ACMSD: variants seen among roughly 807,000 people sequenced by gnomAD.
ACMSD encodes the protein 2-amino-3-carboxymuconate-6-semialdehyde decarboxylase.
A neutral mutation model predicts 45.9 loss-of-function variants in ACMSD; 37 were observed. The ratio of observed to expected loss-of-function variants is 0.81; its 90% CI spans 0.62 to 1.06. ACMSD has a LOEUF of 1.06. Ranked by LOEUF, ACMSD falls within the 50% of genes least tolerant of loss-of-function variation. ACMSD has a pLI of 0.00. For synonymous variants in ACMSD, 138 were observed against 148.8 expected (o/e 0.93, Z 0.53); for missense variants, 434 against 420.9 (o/e 1.03, Z -0.27).
At chr2:134,840,949 T>C (rs767757793) in intron 1 of ACMSD, among the ~76,000 whole-genome samples, 2 of 152,184 alleles carry the variant, frequency 1.3e-5, no homozygotes, top group Non-Finnish European at 2.9e-5. Flanking sequence ...AAGTCCATCG[T>C]GTCATTCTTA....
At chr2:134,846,886 G>C (rs975422842) in intron 2 of ACMSD, among the ~76,000 whole-genome samples, 1 of 152,236 alleles carries the variant, frequency 6.6e-6, no homozygotes, top group Non-Finnish European at 1.5e-5. Context: ...AAGCAGCGAT[G>C]TGATAGAGAG....
intron 8 of ACMSD, among the ~76,000 whole-genome samples, chr2:134,889,545 T>C (rs1333688132): frequency 6.6e-6 from 1 of 152,032 alleles, no homozygotes; most frequent in Admixed American, 6.6e-5. Flanking sequence ...AAAGATAAAA[T>C]AAAATAACAG....
rs1689307044 is a variant in ACMSD at position 134,885,316 on chromosome 2, TA to T, written c.849+12676del. On this transcript the variant is annotated intron_variant, in intron 8 of 9. Transcript: ENST00000356140. ...TTATATATATATTTAAATATATATA[TA>T]TAAATATATATGTAAATATATATTT... is the stretch of plus-strand genomic sequence containing the variant. Among the ~76,000 whole-genome samples, 3 of 103,082 alleles carry T rather than the reference TA, an allele frequency of 2.9e-5. No homozygotes were observed. The Admixed American group carries it at 4.1e-4, about 14-fold the overall frequency. 67.6% of individuals were successfully genotyped at this position (103,082 alleles called of 152,430 possible). A position where few individuals can be genotyped will look rare whatever the true frequency, so the allele number is the denominator to read the frequency against.
intron 5 of ACMSD, 61 bp from the exon 6 acceptor site, chr2:134,867,518 A>C (rs1339936564): frequency 7.6e-7 from 1 of 1,318,540 alleles, no homozygotes; most frequent in Admixed American, 1.7e-5. Context: ...CCAAAACAGT[A>C]CCTGGTATCT....
chr2:134,888,273 C>T (rs1689571098), intron 8 of ACMSD, among the ~76,000 whole-genome samples: 1 of 152,146 alleles, frequency 6.6e-6, no homozygotes, highest in South Asian at 2.1e-4. Flanking sequence ...TTTAAAGGTG[C>T]TCAACATCAT....
At chr2:134,840,184 A>AAAAAAAAAAAAAAAAAAAAAAAAAAAAAT (rs1686729956) in intron 1 of ACMSD, among the ~76,000 whole-genome samples, 1 of 143,720 alleles carries the variant, frequency 7.0e-6, no homozygotes, top group African/African-American at 2.7e-5. Flanking sequence ...AAAAAAAAAA[A>AAAAAAAAAAAAAAAAAAAAAAAAAAAAAT]AAAAAAAAAC....
intron 2 of ACMSD, among the ~76,000 whole-genome samples, chr2:134,850,105 C>T (rs377491749): frequency 4.1e-5 from 6 of 146,022 alleles, no homozygotes; most frequent in African/African-American, 1.0e-4. Flanking sequence ...ATTCATATGT[C>T]GAAGTACTAA....
intron 8 of ACMSD, among the ~76,000 whole-genome samples, chr2:134,895,316 A>AATATATATACGTTACATATATAAT (rs1690045426): frequency 8.1e-5 from 4 of 49,190 alleles, no homozygotes; most frequent in African/African-American, 3.5e-4. Context: ...AAAGAAAAAA[A>AATATATATACGTTACATATATAAT]ATATATATAT....
chr2:134,845,555 C>CTCTCTCTCT (rs1553508457), intron 2 of ACMSD, among the ~76,000 whole-genome samples: 2 of 138,950 alleles, frequency 1.4e-5, no homozygotes, highest in Admixed American at 1.5e-4. Context: ...CTCTCTCTCT[C>CTCTCTCTCT]CCCTCTCCCC....
intron 8 of ACMSD, among the ~76,000 whole-genome samples, chr2:134,888,548 T>C (rs1187510341): frequency 6.6e-6 from 1 of 152,096 alleles, no homozygotes; most frequent in Non-Finnish European, 1.5e-5. Context: ...TTATTCCAAA[T>C]AGCCAAAAAC....
At chr2:134,874,800 T>C (rs747612477) in intron 8 of ACMSD, among the ~76,000 whole-genome samples, 93 of 152,176 alleles carry the variant, frequency 6.1e-4, no homozygotes, top group Admixed American at 3.9e-4. Context: ...AGGGTAAATA[T>C]TAGTACTGGT....
At chr2:134,869,366 C>T (rs1055933944) in intron 6 of ACMSD, among the ~76,000 whole-genome samples, 1 of 152,088 alleles carries the variant, frequency 6.6e-6, no homozygotes, top group African/African-American at 2.4e-5. Context: ...GTGCACGCCA[C>T]CACGCACAGC....
intron 8 of ACMSD, among the ~76,000 whole-genome samples, chr2:134,890,020 C>T (rs1314791662): frequency 4.6e-5 from 7 of 151,710 alleles, no homozygotes; most frequent in Admixed American, 4.6e-4. Flanking sequence ...ATAGAAATAA[C>T]AATAGTTAGA....
At chr2:134,900,181 C>T (rs368887861) in intron 9 of ACMSD, among the ~76,000 whole-genome samples, 1 of 152,176 alleles carries the variant, frequency 6.6e-6, no homozygotes, top group East Asian at 1.9e-4. Context: ...TACAGTTTCT[C>T]TTACCCCAGT....
chr2:134,842,722 G>C lies in ACMSD; in HGVS notation c.58-2511G>C, dbSNP rs780055451. On this transcript the variant is annotated intron_variant, in intron 1 of 9. Coordinates refer to ENST00000356140, the MANE Select transcript of ACMSD (RefSeq NM_138326.3). Reference sequence around the variant, plus strand: ...CAGCAGCTTTATATGCACTATCTCAGCTAATTCCCCTGAAAACTTATGTCC... The same window carrying C: ...CAGCAGCTTTATATGCACTATCTCACCTAATTCCCCTGAAAACTTATGTCC... Among the ~76,000 whole-genome samples the C allele has an allele frequency of 2.6e-5, 4 of 152,214 alleles. No individual in the cohort carries two copies. In the South Asian group the frequency reaches 6.2e-4, roughly 24 times the overall value.
At position 134,901,933 on chromosome 2, in the gene ACMSD, C is replaced by A; in HGVS notation, c.*73C>A. The A allele has an allele frequency of 2.8e-6, 3 of 1,085,208 alleles. No homozygotes were observed. Among genetic ancestry groups the A allele is most frequent in the Non-Finnish European group, 2.7e-6 (2 of 747,738 alleles). The allele number at this position is 1,085,208 out of a possible 1,614,324, so 67.2% of individuals were successfully genotyped here. A position where few individuals can be genotyped will look rare whatever the true frequency, so the allele number is the denominator to read the frequency against. Reference sequence around the variant, plus strand: ...TTTCTAAATATGTATCAACAGGTATCAACAAAATCCTATTTTGAACTATTT... The same window carrying A: ...TTTCTAAATATGTATCAACAGGTATAAACAAAATCCTATTTTGAACTATTT... On this transcript the variant is annotated 3_prime_UTR_variant, in exon 10 of 10. Transcript: ENST00000356140.
intron 5 of ACMSD, among the ~76,000 whole-genome samples, chr2:134,865,499 T>C (rs1313740808): frequency 6.6e-6 from 1 of 152,212 alleles, no homozygotes; most frequent in East Asian, 1.9e-4. Context: ...CCATCAATCC[T>C]TCTAACTGGG....
At chr2:134,885,319 A>ATATTATATAT (rs35092050) in intron 8 of ACMSD, among the ~76,000 whole-genome samples, 1 of 103,164 alleles carries the variant, frequency 9.7e-6, no homozygotes, top group Admixed American at 1.4e-4. Flanking sequence ...ATATATATAT[A>ATATTATATAT]AATATATATG....
At chr2:134,885,353 T>TATATTTAC (rs1689326105) in intron 8 of ACMSD, among the ~76,000 whole-genome samples, 1 of 107,628 alleles carries the variant, frequency 9.3e-6, no homozygotes, top group Non-Finnish European at 1.7e-5. Context: ...ATATATAATA[T>TATATTTAC]ATATTTACAT....
Sources: allele counts gnomAD v4.1 joint callset (sites outside exome capture counted in the v4.1 genomes callset), GRCh38; gene constraint gnomAD v4.1.1; transcripts MANE v1.5; gene names NCBI Gene and HGNC (gene_info 2026-07-23, HGNC 2026-07-21).